UBE2E2: variants seen among roughly 807,000 people sequenced by gnomAD.
UBE2E2 encodes the protein ubiquitin-conjugating enzyme E2 E2.
In UBE2E2, 6 loss-of-function variants were observed where a neutral mutation model predicts 24.7. The observed-to-expected ratio is 0.24, with a 90% CI of 0.13 to 0.48. The LOEUF is 0.48. Among genes scored for constraint, UBE2E2 ranks in the 20% least tolerant of loss-of-function variants. The pLI is 0.99. For synonymous variants in UBE2E2, 104 were observed against 83.6 expected (o/e 1.24, Z -1.33); for missense variants, 169 against 245.0 (o/e 0.69, Z 2.07).
intron 3 of UBE2E2, among the ~76,000 whole-genome samples, chr3:23,233,010 T>C (rs559444657): frequency 6.6e-6 from 1 of 152,290 alleles, no homozygotes; most frequent in East Asian, 1.9e-4. Flanking sequence ...ATGAACATTT[T>C]GGTGTCAGGC....
At chr3:23,338,959 C>G (rs1417134201) in intron 3 of UBE2E2, among the ~76,000 whole-genome samples, 1 of 152,082 alleles carries the variant, frequency 6.6e-6, no homozygotes, top group Non-Finnish European at 1.5e-5. Flanking sequence ...AGGATATTTA[C>G]AGTCACAAAA....
chr3:23,473,521 T>C (rs1459872116), intron 3 of UBE2E2, among the ~76,000 whole-genome samples: 1 of 151,004 alleles, frequency 6.6e-6, no homozygotes, highest in African/African-American at 2.4e-5. Flanking sequence ...GAGACTGTGG[T>C]GCACCCATCA....
At chr3:23,501,998 A>G (rs1475144454) in intron 4 of UBE2E2, among the ~76,000 whole-genome samples, 2 of 152,204 alleles carry the variant, frequency 1.3e-5, no homozygotes, top group African/African-American at 2.4e-5. Flanking sequence ...AAAGCAAATT[A>G]TCAACTCCTA....
At chr3:23,385,318 T>C (rs1696782871) in intron 3 of UBE2E2, among the ~76,000 whole-genome samples, 1 of 152,232 alleles carries the variant, frequency 6.6e-6, no homozygotes, top group African/African-American at 2.4e-5. Flanking sequence ...AAATGATTGT[T>C]TCTTGTCTTC....
Position 23,589,614 on chromosome 3 carries a change from TG to T in UBE2E2, c.509-118del. On this transcript the variant is annotated intron_variant, in intron 5 of 5. Coordinates refer to ENST00000396703, the MANE Select transcript of UBE2E2 (RefSeq NM_152653.4). This position sits in a 1 kb window ranked among gnomAD's most constrained non-coding sequence, Gnocchi z 4.1. ...GTGACTGGCTCAGCCGCAGCAATGG[TG>T]GTCCAGGTTAGAACAGCAGCTTCTC... The T allele has an allele frequency of 1.1e-6, 1 of 927,188 alleles. No homozygotes were observed. The highest frequency in any genetic ancestry group is 1.7e-6 in the Non-Finnish European group (1 of 602,262). 57.4% of individuals were successfully genotyped at this position (927,188 alleles called of 1,614,324 possible).
intron 3 of UBE2E2, among the ~76,000 whole-genome samples, chr3:23,498,815 C>T (rs1404748418): frequency 1.3e-5 from 2 of 152,078 alleles, no homozygotes; most frequent in East Asian, 3.8e-4. Flanking sequence ...CTCATTTTGC[C>T]CTTCTTTTCA....
chr3:23,266,100 A>C (rs1435249500), intron 3 of UBE2E2, among the ~76,000 whole-genome samples: 2 of 152,172 alleles, frequency 1.3e-5, no homozygotes, highest in Non-Finnish European at 2.9e-5. Context: ...CTCTGTATCC[A>C]ATTTGCCAGT....
intron 5 of UBE2E2, among the ~76,000 whole-genome samples, chr3:23,586,907 CT>C (rs11349385): frequency 0.58 from 85,845 of 147,528 alleles, 24,740 homozygotes; most frequent in African/African-American, 0.65. Flanking sequence ...AAATTAATCC[CT>C]TTTTTTTTTT....
At chr3:23,210,909 A>G (rs1475575048) in intron 2 of UBE2E2, among the ~76,000 whole-genome samples, 3 of 152,206 alleles carry the variant, frequency 2.0e-5, no homozygotes, top group African/African-American at 7.2e-5. Context: ...TATTTTAAAT[A>G]TAAAAATGCG....
intron 3 of UBE2E2, among the ~76,000 whole-genome samples, chr3:23,249,213 A>G (rs2125344037): frequency 6.6e-6 from 1 of 151,674 alleles, no homozygotes; most frequent in African/African-American, 2.4e-5. Flanking sequence ...CGGAAGTTTC[A>G]GTGAGCCGAG....
intron 3 of UBE2E2, among the ~76,000 whole-genome samples, chr3:23,398,716 T>A (rs535951283): frequency 9.2e-5 from 14 of 152,344 alleles, no homozygotes; most frequent in South Asian, 8.3e-4. Context: ...AAATTGTTTC[T>A]CTGCCTGGAA....
At chr3:23,252,657 C>T (rs1440578550) in intron 3 of UBE2E2, among the ~76,000 whole-genome samples, 1 of 152,126 alleles carries the variant, frequency 6.6e-6, no homozygotes, top group Non-Finnish European at 1.5e-5. Context: ...CCGCCGCATC[C>T]AGCTGATTTT....
chr3:23,328,662 C>T (rs1392859161), intron 3 of UBE2E2, among the ~76,000 whole-genome samples: 4 of 145,466 alleles, frequency 2.7e-5, no homozygotes, highest in Non-Finnish European at 3.0e-5. Flanking sequence ...CTCTCTCTCT[C>T]TTTTTTTTTT....
chr3:23,217,318 T>C lies in UBE2E2; in HGVS notation c.227+6T>C, dbSNP rs202201847. The C allele has an allele frequency of 6.2e-7, 1 of 1,612,100 alleles. No individual in the cohort carries two copies. Among genetic ancestry groups the C allele is most frequent in the African/African-American group, 1.3e-5 (1 of 74,964 alleles). ...GACCCTCCTCCCAACTGTAGGTAAG[T>C]ACTCATGGTTTTTTATTTACTTGTA... On this transcript the variant is annotated splice_donor_region_variant and intron_variant, in intron 3 of 5. Coordinates refer to ENST00000396703, the MANE Select transcript of UBE2E2 (RefSeq NM_152653.4).
intron 3 of UBE2E2, among the ~76,000 whole-genome samples, chr3:23,255,140 G>A (rs1275876661): frequency 7.1e-6 from 1 of 140,470 alleles, no homozygotes; most frequent in Non-Finnish European, 1.5e-5. Flanking sequence ...AGGCTGGAGT[G>A]CAGTGGCGTG....
chr3:23,543,214 A>G (rs184829601), intron 5 of UBE2E2, among the ~76,000 whole-genome samples: 39 of 152,346 alleles, frequency 2.6e-4, no homozygotes, highest in Admixed American at 1.5e-3. Context: ...AGCCAGAACA[A>G]TCATTCAAGA....
intron 3 of UBE2E2, among the ~76,000 whole-genome samples, chr3:23,417,225 A>G (rs575252083): frequency 8.6e-5 from 13 of 151,992 alleles, no homozygotes; most frequent in African/African-American, 2.4e-4. Flanking sequence ...TGACCTTCAG[A>G]TGGGGTTTCT....
chr3:23,510,192 T>C (rs1290604301), intron 4 of UBE2E2, among the ~76,000 whole-genome samples: 3 of 152,202 alleles, frequency 2.0e-5, no homozygotes, highest in African/African-American at 7.2e-5. Flanking sequence ...TACATGATCA[T>C]GGCTTATTGA....
chr3:23,307,285 T>G (rs34646795), intron 3 of UBE2E2, among the ~76,000 whole-genome samples: 1 of 152,140 alleles, frequency 6.6e-6, no homozygotes, highest in African/African-American at 2.4e-5. Context: ...ATAGTCATTC[T>G]TCAAGTTGCT....
Sources: allele counts gnomAD v4.1 joint callset (sites outside exome capture counted in the v4.1 genomes callset), GRCh38; gene constraint gnomAD v4.1.1; non-coding constraint Gnocchi (gnomAD v3.1); transcripts MANE v1.5; gene names NCBI Gene and HGNC (gene_info 2026-07-23, HGNC 2026-07-21).